The following FGGY variants were observed in gnomAD, a reference collection of about 807,000 sequenced individuals.
The protein encoded by FGGY is FGGY carbohydrate kinase domain-containing protein.
Under a neutral mutation model 71.3 loss-of-function variants are expected in FGGY, and 72 were observed. The ratio of observed to expected loss-of-function variants is 1.01; its 90% CI spans 0.84 to 1.23. FGGY has a LOEUF of 1.23. FGGY is among the 50% of genes most tolerant of loss of function. FGGY has a pLI of 0.00. For missense variants in FGGY, 668 were observed against 682.3 expected, an observed-to-expected ratio of 0.98 and a Z score of 0.23; for synonymous variants, 251 against 250.3, an observed-to-expected ratio of 1.00 and a Z score of -0.02.
intron 11 of FGGY, among the ~76,000 whole-genome samples, chr1:59,644,276 C>T (rs1366471499): frequency 6.6e-6 from 1 of 152,208 alleles, no homozygotes; most frequent in Non-Finnish European, 1.5e-5. Context: ...ACCCAGGAAT[C>T]TCTTCCTTAT....
At chr1:59,453,722 CAT>C (rs1489362515) in intron 5 of FGGY, among the ~76,000 whole-genome samples, 1 of 152,090 alleles carries the variant, frequency 6.6e-6, no homozygotes, top group Non-Finnish European at 1.5e-5. Flanking sequence ...AGCAGAAACA[CAT>C]AGAATCTCTT....
intron 1 of FGGY, among the ~76,000 whole-genome samples, chr1:59,302,744 C>T (rs2042960242): frequency 6.6e-6 from 1 of 151,806 alleles, no homozygotes; most frequent in Non-Finnish European, 1.5e-5. Context: ...AAATGCAAAC[C>T]TAAAGTATTT....
At chr1:59,677,106 T>C (rs1274597424) in intron 14 of FGGY, among the ~76,000 whole-genome samples, 1 of 152,248 alleles carries the variant, frequency 6.6e-6, no homozygotes, top group Non-Finnish European at 1.5e-5. Flanking sequence ...AAAATGCATG[T>C]AGACTTGGCG....
At chr1:59,351,674 A>G (rs1353042542) in intron 4 of FGGY, among the ~76,000 whole-genome samples, 1 of 152,204 alleles carries the variant, frequency 6.6e-6, no homozygotes, top group Non-Finnish European at 1.5e-5. Context: ...ACAGTACTCC[A>G]TGGGAGAACT....
At chr1:59,723,527 TA>T (rs1353228561) in intron 14 of FGGY, among the ~76,000 whole-genome samples, 5 of 145,226 alleles carry the variant, frequency 3.4e-5, no homozygotes, top group Non-Finnish European at 7.6e-5. Context: ...AGACAGTACT[TA>T]TATACAGTTT....
intron 8 of FGGY, among the ~76,000 whole-genome samples, chr1:59,586,083 A>G (rs2096280806): frequency 6.6e-6 from 1 of 152,224 alleles, no homozygotes; most frequent in South Asian, 2.1e-4. Flanking sequence ...TAGTTGAACC[A>G]TTGTGGAAGT....
intron 8 of FGGY, among the ~76,000 whole-genome samples, chr1:59,605,424 A>G (rs2096614738): frequency 6.6e-6 from 1 of 152,140 alleles, no homozygotes; most frequent in African/African-American, 2.4e-5. Flanking sequence ...CTTTGAGTAC[A>G]GGCACTATGC....
chr1:59,501,956 A>G (rs2094238981), intron 6 of FGGY, among the ~76,000 whole-genome samples: 1 of 152,216 alleles, frequency 6.6e-6, no homozygotes, highest in Admixed American at 6.5e-5. Context: ...AGTCATAATA[A>G]CCATAATTTT....
chr1:59,687,930 T>C (rs1303217086), intron 14 of FGGY, among the ~76,000 whole-genome samples: 1 of 152,170 alleles, frequency 6.6e-6, no homozygotes, highest in East Asian at 1.9e-4. Context: ...GAGAATTCAC[T>C]TCTCCTCCTC....
intron 8 of FGGY, among the ~76,000 whole-genome samples, chr1:59,570,761 G>GT: frequency 1.3e-5 from 2 of 152,288 alleles, no homozygotes; most frequent in East Asian, 3.9e-4. Flanking sequence ...GAAGTGCAGT[G>GT]TTTAATCCAG....
At chr1:59,362,276 G>A (rs561345644) in intron 4 of FGGY, among the ~76,000 whole-genome samples, 3 of 150,492 alleles carry the variant, frequency 2.0e-5, no homozygotes, top group Admixed American at 6.6e-5. Flanking sequence ...CTTTCCATTT[G>A]CTCTGTCCTT....
chr1:59,577,880 G>A (rs966516356), intron 8 of FGGY, among the ~76,000 whole-genome samples: 7 of 152,042 alleles, frequency 4.6e-5, no homozygotes, highest in South Asian at 2.1e-4. Context: ...CCTAGCCAGC[G>A]CTGTCCACCT....
intron 7 of FGGY, among the ~76,000 whole-genome samples, chr1:59,541,934 GT>G (rs1182388962): frequency 1.3e-5 from 2 of 152,182 alleles, no homozygotes; most frequent in African/African-American, 4.8e-5. Flanking sequence ...CATCATAGCA[GT>G]TGTAAGAATT....
intron 11 of FGGY, among the ~76,000 whole-genome samples, chr1:59,639,675 T>G (rs2097000079): frequency 6.6e-6 from 1 of 152,166 alleles, no homozygotes; most frequent in Non-Finnish European, 1.5e-5. Context: ...ATATTTAAAA[T>G]GTTGAAGCAG....
At chr1:59,752,395 C>G (rs970561083) in intron 14 of FGGY, among the ~76,000 whole-genome samples, 1 of 152,308 alleles carries the variant, frequency 6.6e-6, no homozygotes, top group Non-Finnish European at 1.5e-5. Flanking sequence ...GCTATATTCT[C>G]CCCTATAGAT....
At position 59,402,556 on chromosome 1, in the gene FGGY, G is replaced by A. The variant is rs530539229; in HGVS notation, c.554+23719G>A. 3.2e-4 allele frequency among the ~76,000 whole-genome samples: 49 copies of A among 152,206 alleles called. No homozygotes were observed. The South Asian group carries it at 5.0e-3, about 15-fold the overall frequency. ...AATTAATATAATTATATGTTTTTGC[G>A]GACTCTGAAGAATTTGAGATACAGC... On this transcript the variant is annotated intron_variant, in intron 5 of 15. Transcript: ENST00000303721.
chr1:59,436,856 C>T (rs573839891), intron 5 of FGGY, among the ~76,000 whole-genome samples: 2 of 152,088 alleles, frequency 1.3e-5, no homozygotes, highest in African/African-American at 4.8e-5. Context: ...AGTAGCTCTT[C>T]GGGGGTGATC....
At chr1:59,347,131 A>T (rs1235589215) in intron 4 of FGGY, among the ~76,000 whole-genome samples, 1 of 148,464 alleles carries the variant, frequency 6.7e-6, no homozygotes, top group African/African-American at 2.5e-5. Context: ...GTTTTAGGGT[A>T]CATGTGCACA....
intron 14 of FGGY, among the ~76,000 whole-genome samples, chr1:59,676,716 C>T (rs895025606): frequency 9.2e-5 from 14 of 152,100 alleles, no homozygotes; most frequent in African/African-American, 3.1e-4. Context: ...CTGCAAGGCT[C>T]ACAGCATTGT....
Sources: gnomAD v4.1 joint callset for allele counts (sites outside exome capture counted in the v4.1 genomes callset) on GRCh38, gnomAD v4.1.1 for gene constraint, MANE v1.5 for transcripts, NCBI Gene and HGNC (gene_info 2026-07-23, HGNC 2026-07-21) for gene names.